BLTP3B: variants seen among roughly 807,000 people sequenced by gnomAD.
BLTP3B encodes the protein UHRF1 (ICBP90) binding protein 1-like.
At chr12:100,066,177 G>A in the BLTP3B span, among the ~76,000 whole-genome samples, 2 of 152,008 alleles carry the variant, frequency 1.3e-5, no homozygotes, top group African/African-American at 4.8e-5. Context: ...GTAAAGGGGT[G>A]GAAAAAGACA....
chr12:100,123,061 A>C, the BLTP3B span, among the ~76,000 whole-genome samples: 1 of 152,158 alleles, frequency 6.6e-6, no homozygotes, highest in Non-Finnish European at 1.5e-5. Flanking sequence ...CTGGTCTATT[A>C]GAATTTGCAA....
the BLTP3B span, among the ~76,000 whole-genome samples, chr12:100,078,958 T>A: frequency 6.6e-6 from 1 of 152,142 alleles, no homozygotes; most frequent in African/African-American, 2.4e-5. Flanking sequence ...AATAGGAGTT[T>A]CCCTGCACAA....
chr12:100,135,278 TTTC>T, the BLTP3B span, among the ~76,000 whole-genome samples: 3 of 136,876 alleles, frequency 2.2e-5, no homozygotes, highest in Non-Finnish European at 3.0e-5. Flanking sequence ...TTTTTCTTTC[TTTC>T]TTTTTTTTTT....
At chr12:100,142,759 A>G in the BLTP3B span, 2 of 1,422,010 alleles carry the variant, frequency 1.4e-6, no homozygotes, top group Non-Finnish European at 1.9e-6. Flanking sequence ...CACGACCGGG[A>G]GAGACCCAAG....
the BLTP3B span, among the ~76,000 whole-genome samples, chr12:100,081,325 C>T: frequency 2.6e-5 from 4 of 152,150 alleles, no homozygotes; most frequent in African/African-American, 9.7e-5. Flanking sequence ...TTCAGTGGTT[C>T]TGTGAGTCTT....
the BLTP3B span, chr12:100,050,091 T>C: frequency 7.8e-7 from 1 of 1,276,896 alleles, no homozygotes; most frequent in Non-Finnish European, 1.0e-6. Context: ...CAAGATAGGA[T>C]TGCTGGTGAG....
At chr12:100,086,382 GGA>G in the BLTP3B span, 7,878 of 573,492 alleles carry the variant, frequency 0.014, 61 homozygotes, top group South Asian at 0.021. Flanking sequence ...AGGGGGGGGG[GGA>G]AATATTAAGT....
At chr12:100,097,146 A>G in the BLTP3B span, among the ~76,000 whole-genome samples, 1 of 152,164 alleles carries the variant, frequency 6.6e-6, no homozygotes, top group Admixed American at 6.5e-5. Context: ...TATTAAACCT[A>G]AGACTGAAGA....
At chr12:100,090,851 G>A in the BLTP3B span, among the ~76,000 whole-genome samples, 6 of 151,758 alleles carry the variant, frequency 4.0e-5, no homozygotes, top group South Asian at 2.1e-4. Context: ...AATACTCTCC[G>A]GTACTTCTTT....
At chr12:100,116,568 A>C in the BLTP3B span, among the ~76,000 whole-genome samples, 1 of 152,172 alleles carries the variant, frequency 6.6e-6, no homozygotes, top group Non-Finnish European at 1.5e-5. Context: ...ACTCTCAACA[A>C]GACAGGAACA....
the BLTP3B span, among the ~76,000 whole-genome samples, chr12:100,141,750 GT>G: frequency 6.6e-6 from 1 of 152,150 alleles, no homozygotes; most frequent in Non-Finnish European, 1.5e-5. Context: ...CATTTAGCCT[GT>G]GTCTTGAGAC....
At chr12:100,125,335 CAAAAAA>C in the BLTP3B span, among the ~76,000 whole-genome samples, 6 of 74,122 alleles carry the variant, frequency 8.1e-5, no homozygotes, top group African/African-American at 2.2e-4. Flanking sequence ...GTTTCCATCT[CAAAAAA>C]AAAAAAAAAA....
the BLTP3B span, among the ~76,000 whole-genome samples, chr12:100,124,936 TTATATATATA>T: frequency 0.032 from 1,800 of 56,504 alleles, 58 homozygotes; most frequent in South Asian, 0.056. Flanking sequence ...AAAAAAAATT[TTATATATATA>T]TATATATATA....
chr12:100,056,155 G>A, the BLTP3B span, among the ~76,000 whole-genome samples: 4 of 152,104 alleles, frequency 2.6e-5, no homozygotes, highest in African/African-American at 9.7e-5. Context: ...AAGAGGTAGG[G>A]CTTTTAAAGG....
the BLTP3B span, among the ~76,000 whole-genome samples, chr12:100,141,986 C>A: frequency 4.6e-5 from 7 of 152,150 alleles, no homozygotes; most frequent in South Asian, 2.1e-4. Flanking sequence ...AAAGAACCTG[C>A]CAAAGCTGCG....
the BLTP3B span, among the ~76,000 whole-genome samples, chr12:100,139,217 C>G: frequency 6.6e-6 from 1 of 152,198 alleles, no homozygotes; most frequent in Non-Finnish European, 1.5e-5. Context: ...AGGCAAGGAA[C>G]AAGTATATAG....
the BLTP3B span, chr12:100,128,524 G>A: frequency 2.7e-6 from 3 of 1,121,900 alleles, no homozygotes; most frequent in South Asian, 5.7e-5. Context: ...GGCATATTAA[G>A]TGCTTGCATT....
the BLTP3B span, among the ~76,000 whole-genome samples, chr12:100,109,533 G>A: frequency 6.6e-6 from 1 of 152,132 alleles, no homozygotes; most frequent in South Asian, 2.1e-4. Context: ...GGAGTCTGAG[G>A]AGGGCGGATC....
At chr12:100,139,904 T>G in the BLTP3B span, among the ~76,000 whole-genome samples, 2 of 152,208 alleles carry the variant, frequency 1.3e-5, no homozygotes, top group Admixed American at 1.3e-4. Context: ...CTCACAATTT[T>G]AAACTCTGTG....
Sources: gnomAD v4.1 joint callset for allele counts (sites outside exome capture counted in the v4.1 genomes callset) on GRCh38, gnomAD v4.1.1 for gene constraint, MANE v1.5 for transcripts, NCBI Gene and HGNC (gene_info 2026-07-23, HGNC 2026-07-21) for gene names.